SUMF1: variants seen among roughly 807,000 people sequenced by gnomAD.
SUMF1 encodes the protein sulfatase modifying factor 1.
A neutral mutation model predicts 47.6 loss-of-function variants in SUMF1; 48 were observed. The observed-to-expected ratio is 1.01, with a 90% confidence interval of 0.80 to 1.28. The LOEUF (loss-of-function observed/expected upper bound fraction) is 1.28. SUMF1 is among the 50% of genes most tolerant of loss of function. SUMF1 has a pLI of 0.00. For synonymous variants in SUMF1, 230 were observed against 192.1 expected (o/e 1.20, Z -1.63); for missense variants, 571 against 485.4 (o/e 1.18, Z -1.66).
intron 9 of SUMF1, among the ~76,000 whole-genome samples, chr3:4,062,580 A>G (rs1695294889): frequency 6.6e-6 from 1 of 152,198 alleles, no homozygotes; most frequent in East Asian, 1.9e-4. Flanking sequence ...AGAACACTGC[A>G]GAAGAATGAG....
At chr3:4,206,184 A>G (rs1695649294) in intron 8 of SUMF1, among the ~76,000 whole-genome samples, 1 of 151,356 alleles carries the variant, frequency 6.6e-6, no homozygotes, top group Non-Finnish European at 1.5e-5. Flanking sequence ...CTCAAGCAGA[A>G]GAAGTCTCTC....
intron 8 of SUMF1, among the ~76,000 whole-genome samples, chr3:4,081,579 C>T (rs893448106): frequency 2.6e-5 from 4 of 152,180 alleles, no homozygotes; most frequent in African/African-American, 7.2e-5. Context: ...CACAGCTGGG[C>T]TGTATGGGCT....
intron 8 of SUMF1, among the ~76,000 whole-genome samples, chr3:4,204,076 G>C (rs992259626): frequency 2.0e-5 from 3 of 151,978 alleles, no homozygotes; most frequent in African/African-American, 4.8e-5. Flanking sequence ...TTATCCATGA[G>C]TTTTGTGCCT....
chr3:4,211,838 G>A lies in SUMF1; in HGVS notation c.1015-143093C>T, dbSNP rs139607275. Among the ~76,000 whole-genome samples, 39 of 152,282 alleles carry A rather than the reference G, an allele frequency of 2.6e-4. No individual in the cohort carries two copies. In the East Asian group the frequency reaches 6.2e-3, roughly 24 times the overall value. ...AGCCAGGAAGTTCGAACTGGGAGGA[G>A]CCCACTGCAGTTCAGCAAGGCCTCC... On this transcript the variant is annotated intron_variant and NMD_transcript_variant, in intron 8 of 12. Coordinates refer to the SUMF1 transcript ENST00000448413.
chr3:4,443,467 A>G (rs1200309375), intron 3 of SUMF1, among the ~76,000 whole-genome samples: 1 of 151,820 alleles, frequency 6.6e-6, no homozygotes, highest in Non-Finnish European at 1.5e-5. Context: ...AGAAAAAATT[A>G]AAATAAAAAG....
intron 8 of SUMF1, among the ~76,000 whole-genome samples, chr3:4,113,626 T>C (rs1693359462): frequency 6.6e-6 from 1 of 152,088 alleles, no homozygotes; most frequent in East Asian, 1.9e-4. Flanking sequence ...GAGAGGACTT[T>C]TAAACTAGTA....
At chr3:4,350,359 TTGTG>T (rs1238672880) in intron 8 of SUMF1, among the ~76,000 whole-genome samples, 18 of 56,340 alleles carry the variant, frequency 3.2e-4, no homozygotes, top group Non-Finnish European at 1.2e-4. Context: ...GTGTGTATAA[TTGTG>T]TGTGTATAAT....
At chr3:4,394,139 G>C (rs925368377) in intron 7 of SUMF1, among the ~76,000 whole-genome samples, 15 of 151,966 alleles carry the variant, frequency 9.9e-5, no homozygotes, top group Non-Finnish European at 2.1e-4. Flanking sequence ...TTTTAAAAGA[G>C]TGTTTAGCTT....
intron 8 of SUMF1, among the ~76,000 whole-genome samples, chr3:4,111,846 A>T (rs1335178610): frequency 1.3e-5 from 2 of 152,172 alleles, no homozygotes; most frequent in Admixed American, 6.5e-5. Flanking sequence ...GGCAAAAAAA[A>T]TTTGAAGTGC....
At chr3:4,308,134 A>G (rs1257813031) in intron 8 of SUMF1, among the ~76,000 whole-genome samples, 2 of 152,254 alleles carry the variant, frequency 1.3e-5, no homozygotes, top group African/African-American at 4.8e-5. Context: ...AACTGAAAGA[A>G]GTCTAGTCTG....
rs1434261403 is a variant in SUMF1, at chr3:4,400,129, C to T, written c.954+10736G>A. ...CAAGCAACCGACCCAAACTGGGGGC[C>T]GAATTCTACCTGAATTCCCAGAGTA... is the stretch of plus-strand genomic sequence containing the variant. On this transcript the variant is annotated intron_variant, in intron 7 of 8. Transcript: ENST00000272902. Among the ~76,000 whole-genome samples the T allele has an allele frequency of 2.6e-5, 4 of 152,064 alleles. No individual in the cohort carries two copies. In the East Asian group the frequency reaches 7.7e-4, roughly 29 times the overall value.
At chr3:4,110,361 C>T (rs1693267890) in intron 8 of SUMF1, among the ~76,000 whole-genome samples, 1 of 152,088 alleles carries the variant, frequency 6.6e-6, no homozygotes, top group Non-Finnish European at 1.5e-5. Flanking sequence ...AGTTAGGCTA[C>T]TTGGGGGTCA....
rs193020195 is a variant in SUMF1 at position 4,119,374 on chromosome 3, C to A, written c.1015-50629G>T. On this transcript the variant is annotated intron_variant and NMD_transcript_variant, in intron 8 of 12. Transcript: ENST00000448413. The stretch of plus-strand genomic sequence containing the variant: ...AATTTTCTTTGCCTGTCATTGGAGG[C>A]CTTTGCAGTTTGACTATGACCCATG... Among the ~76,000 whole-genome samples the A allele has an allele frequency of 1.6e-4, 25 of 152,156 alleles. 1 individual carries two copies. The highest frequency in any genetic ancestry group is 1.4e-3 in the Admixed American group (22 of 15,280).
At chr3:4,102,116 G>A (rs1311601515) in intron 8 of SUMF1, among the ~76,000 whole-genome samples, 2 of 152,158 alleles carry the variant, frequency 1.3e-5, no homozygotes, top group African/African-American at 4.8e-5. Context: ...CACGATATGT[G>A]GAGATTACGG....
At chr3:4,306,008 TCAA>T (rs1370407064) in intron 8 of SUMF1, among the ~76,000 whole-genome samples, 2 of 152,294 alleles carry the variant, frequency 1.3e-5, no homozygotes, top group South Asian at 2.1e-4. Flanking sequence ...CATTCTTAAT[TCAA>T]CAAATATTTA....
In SUMF1 at chr3:4,262,092, C is replaced by T. The variant is rs1697098719; in HGVS notation, c.1014+114238G>A. ...CTGTGCACTCAGAGCTGCTATAAGC[C>T]AAAATATGTCTATGCCCGGCCTCAA... On this transcript the variant is annotated intron_variant and NMD_transcript_variant, in intron 8 of 12. Coordinates refer to the SUMF1 transcript ENST00000448413. Among the ~76,000 whole-genome samples the T allele has an allele frequency of 2.0e-5, 3 of 152,082 alleles. No individual in the cohort carries two copies. The South Asian group carries it at 6.2e-4, about 32-fold the overall frequency.
At chr3:4,035,064 A>G (rs551829541) in intron 9 of SUMF1, among the ~76,000 whole-genome samples, 7 of 152,226 alleles carry the variant, frequency 4.6e-5, no homozygotes, top group Non-Finnish European at 7.4e-5. Context: ...AAATCAGTCC[A>G]GCTGGAGGAC....
chr3:4,458,106 ATGGCCAACAGATATAAGAAAAAATGCT>A (rs1398966554), intron 1 of SUMF1, among the ~76,000 whole-genome samples: 1 of 152,182 alleles, frequency 6.6e-6, no homozygotes, highest in East Asian at 1.9e-4. Context: ...AGACATACAA[ATGGCCAACAGATATAAGAAAAAATGCT>A]CTTCACAACT....
At chr3:4,385,531 T>C (rs1040589992) in intron 7 of SUMF1, among the ~76,000 whole-genome samples, 1 of 152,198 alleles carries the variant, frequency 6.6e-6, no homozygotes, top group African/African-American at 2.4e-5. Flanking sequence ...TATGTGGCTT[T>C]TGTCAGATAT....
Sources: gnomAD v4.1 joint callset for allele counts (sites outside exome capture counted in the v4.1 genomes callset) on GRCh38, gnomAD v4.1.1 for gene constraint, MANE v1.5 for transcripts, NCBI Gene and HGNC (gene_info 2026-07-23, HGNC 2026-07-21) for gene names.